DCDC2C: variants seen among roughly 807,000 people sequenced by gnomAD.
The protein encoded by DCDC2C is doublecortin domain containing 2C.
DCDC2C carries 44 observed loss-of-function variants against 45.0 expected under a neutral mutation model. That is an observed-to-expected ratio of 0.98 (90% confidence interval 0.77 to 1.26). DCDC2C has a LOEUF of 1.26. DCDC2C is among the 50% of genes most tolerant of loss of function. The pLI, the probability that DCDC2C is intolerant of heterozygous loss-of-function variation, is 0.00. For synonymous variants in DCDC2C, 187 were observed against 178.8 expected (o/e 1.05, Z -0.37); for missense variants, 447 against 468.9 (o/e 0.95, Z 0.43).
intron 3 of DCDC2C, among the ~76,000 whole-genome samples, chr2:3,738,897 G>T (rs189168682): frequency 7.6e-4 from 116 of 152,272 alleles, no homozygotes; most frequent in African/African-American, 2.6e-3. Context: ...AACTGTTTTT[G>T]GGTATTTTAG....
intron 5 of DCDC2C, among the ~76,000 whole-genome samples, chr2:3,753,662 C>A (rs1669607605): frequency 6.6e-6 from 1 of 152,184 alleles, no homozygotes; most frequent in Non-Finnish European, 1.5e-5. Flanking sequence ...AGGTGGCCAG[C>A]CTTCCTCTAT....
intron 4 of DCDC2C, among the ~76,000 whole-genome samples, chr2:3,751,323 A>G (rs1415838974): frequency 2.0e-5 from 3 of 152,128 alleles, no homozygotes; most frequent in Non-Finnish European, 4.4e-5. Context: ...ACCAAAGGGG[A>G]CTGACTGTCC....
chr2:3,786,187 C>T (rs1670646626), intron 10 of DCDC2C, among the ~76,000 whole-genome samples: 1 of 152,152 alleles, frequency 6.6e-6, no homozygotes, highest in African/African-American at 2.4e-5. Context: ...AGCACTGAGC[C>T]TCCCATGCAG....
rs1670099602 is a variant in DCDC2C at position 3,769,354 on chromosome 2, A to G, written c.897A>G (p.Gln299=). 1 of 1,550,502 alleles carries G rather than the reference A, an allele frequency of 6.4e-7. No homozygotes were observed. Among genetic ancestry groups the G allele is most frequent in the African/African-American group, 1.4e-5 (1 of 73,036 alleles). The part of the protein sequence containing the change: ...YKAPTPSKET[Q]GALDVKEEHN... Reference sequence around the variant, plus strand: ...CACCGACTCCTAGCAAGGAAACCCAAGGGGCGCTGGACGTCAAAGAGGAGC... The same window carrying G: ...CACCGACTCCTAGCAAGGAAACCCAGGGGGCGCTGGACGTCAAAGAGGAGC... The change falls in exon 8 of 11, where the codon CAA becomes CAG. Residue 299 remains glutamine, a synonymous_variant. Coordinates refer to ENST00000399143, the MANE Select transcript of DCDC2C (RefSeq NM_001287444.2).
intron 3 of DCDC2C, among the ~76,000 whole-genome samples, chr2:3,741,604 C>T (rs142316897): frequency 5.9e-5 from 9 of 152,226 alleles, no homozygotes; most frequent in Middle Eastern, 3.4e-3. Context: ...TTTCCTGTTT[C>T]GCAACCACTA....
At chr2:3,829,284 CTTTTTTTTTTT>C (rs5828893) in intron 10 of DCDC2C, among the ~76,000 whole-genome samples, 2 of 129,592 alleles carry the variant, frequency 1.5e-5, no homozygotes, top group African/African-American at 5.8e-5. Context: ...ATGTCTTTTT[CTTTTTTTTTTT>C]TTTTTGCATT....
intron 10 of DCDC2C, among the ~76,000 whole-genome samples, chr2:3,845,899 AC>A (rs1672316134): frequency 6.6e-6 from 1 of 152,184 alleles, no homozygotes; most frequent in Non-Finnish European, 1.5e-5. Context: ...TCCTCCCTGA[AC>A]ATTAGTTGTC....
intron 10 of DCDC2C, among the ~76,000 whole-genome samples, chr2:3,821,850 C>T (rs1671694611): frequency 6.6e-6 from 1 of 152,210 alleles, no homozygotes; most frequent in Non-Finnish European, 1.5e-5. Context: ...CTGTAATTCA[C>T]ATGCCATCAA....
At chr2:3,799,833 C>T (rs1441471615) in intron 10 of DCDC2C, among the ~76,000 whole-genome samples, 1 of 152,278 alleles carries the variant, frequency 6.6e-6, no homozygotes, top group Non-Finnish European at 1.5e-5. Flanking sequence ...TTGTCTGTGC[C>T]CTGTCCCCAG....
chr2:3,709,011 T>C (rs1288220060), intron 2 of DCDC2C, among the ~76,000 whole-genome samples: 1 of 152,236 alleles, frequency 6.6e-6, no homozygotes, highest in Admixed American at 6.5e-5. Context: ...GATAGACATT[T>C]ATTAGGTCTA....
rs1558253790 is a variant in DCDC2C at position 3,847,816 on chromosome 2, G to A, written c.*633G>A. ...CTCGTGATAGTGAGTGAGTGCTCCC[G>A]AGATCCAGTTGTTTAAAAGTGTGTA... On this transcript the variant is annotated 3_prime_UTR_variant, in exon 11 of 11. Coordinates refer to ENST00000399143, the MANE Select transcript of DCDC2C (RefSeq NM_001287444.2). 6.6e-6 allele frequency among the ~76,000 whole-genome samples: 1 copy of A among 152,030 alleles called. No homozygotes were observed. The highest frequency in any genetic ancestry group is 1.5e-5 in the Non-Finnish European group (1 of 68,000).
At chr2:3,839,974 A>G (rs928624779) in intron 10 of DCDC2C, among the ~76,000 whole-genome samples, 1 of 152,264 alleles carries the variant, frequency 6.6e-6, no homozygotes, top group Non-Finnish European at 1.5e-5. Flanking sequence ...GAATTGGCAG[A>G]GAAGCCCGTG....
intron 10 of DCDC2C, among the ~76,000 whole-genome samples, chr2:3,816,445 C>T (rs1558240419): frequency 6.6e-6 from 1 of 152,006 alleles, no homozygotes; most frequent in Non-Finnish European, 1.5e-5. Flanking sequence ...AGTCAGTCCC[C>T]TTTTTTTAGC....
chr2:3,748,914 G>T (rs572377653), intron 4 of DCDC2C, among the ~76,000 whole-genome samples: 2 of 152,328 alleles, frequency 1.3e-5, no homozygotes, highest in South Asian at 4.1e-4. Context: ...TGAGCTTGGA[G>T]TCCAGGGTTC....
At chr2:3,748,877 A>T (rs1669453309) in intron 4 of DCDC2C, among the ~76,000 whole-genome samples, 2 of 152,158 alleles carry the variant, frequency 1.3e-5, no homozygotes. Context: ...ATGGGGGGAA[A>T]CTGGCTGAAC....
chr2:3,748,827 T>G (rs867226508), intron 4 of DCDC2C, among the ~76,000 whole-genome samples: 3 of 152,192 alleles, frequency 2.0e-5, no homozygotes, highest in Admixed American at 1.3e-4. Context: ...CCTTAAAGTT[T>G]GGGACCCTGT....
At chr2:3,766,936 C>T (rs571630393) in intron 6 of DCDC2C, among the ~76,000 whole-genome samples, 22 of 152,290 alleles carry the variant, frequency 1.4e-4, no homozygotes, top group Admixed American at 4.6e-4. Context: ...AGTGGAAAGC[C>T]GTAGGATACT....
At chr2:3,705,819 T>G (rs1431986106) in intron 1 of DCDC2C, among the ~76,000 whole-genome samples, 1 of 152,226 alleles carries the variant, frequency 6.6e-6, no homozygotes, top group East Asian at 1.9e-4. Flanking sequence ...TTCTTCCCAG[T>G]GCTCTTACTG....
chr2:3,728,411 C>A (rs1668759929), intron 3 of DCDC2C, among the ~76,000 whole-genome samples: 1 of 152,230 alleles, frequency 6.6e-6, no homozygotes, highest in Non-Finnish European at 1.5e-5. Context: ...TTAGTGATGT[C>A]TTTCCCGCAG....
Sources: gnomAD v4.1 joint callset for allele counts (sites outside exome capture counted in the v4.1 genomes callset) on GRCh38, gnomAD v4.1.1 for gene constraint, MANE v1.5 for transcripts, NCBI Gene and HGNC (gene_info 2026-07-23, HGNC 2026-07-21) for gene names.